CEACAM1: variants seen among roughly 807,000 people sequenced by gnomAD.
The protein encoded by CEACAM1 is CEA cell adhesion molecule 1, also known as cell adhesion molecule CEACAM1.
A neutral mutation model predicts 49.1 loss-of-function variants in CEACAM1; 31 were observed. That is an observed-to-expected ratio of 0.63 (90% CI 0.47 to 0.85). The LOEUF (loss-of-function observed/expected upper bound fraction) is 0.85, where lower values mean the gene tolerates loss of function less well. CEACAM1 is among the 40% of genes least tolerant of loss of function. The pLI is 0.00. For missense variants in CEACAM1, 570 were observed against 645.3 expected (o/e 0.88, Z 1.26); for synonymous variants, 244 against 247.8 (o/e 0.98, Z 0.14).
rs1378714371 is a variant in CEACAM1 at position 42,527,189 on chromosome 19, C to T, written c.276G>A (p.Gly92=). The T allele has an allele frequency of 2.0e-5, 33 of 1,613,992 alleles. No homozygotes were observed. Among genetic ancestry groups the T allele is most frequent in the Non-Finnish European group, 2.8e-5 (33 of 1,180,002 alleles). ...YAIGTQQATP[G]PANSGRETIY... Reference sequence around the variant, plus strand: ...TTGTCTCTCGACCGCTGTTTGCGGGCCCTGGGGTAGCTTGTTGAGTTCCTA... The same window carrying T: ...TTGTCTCTCGACCGCTGTTTGCGGGTCCTGGGGTAGCTTGTTGAGTTCCTA... The change falls in exon 2 of 9, where the codon GGG becomes GGA. Residue 92 remains glycine (G), a synonymous_variant. Coordinates refer to ENST00000161559, the MANE Select transcript of CEACAM1 (RefSeq NM_001712.5).
intron 4 of CEACAM1, chr19:42,519,612 C>T (rs1395601771): frequency 9.7e-6 from 2 of 205,646 alleles, no homozygotes; most frequent in African/African-American, 4.8e-5. Flanking sequence ...CTCTGTCACC[C>T]AGGCCGGAAT....
chr19:42,527,144 C>T lies in CEACAM1; in HGVS notation c.321G>A (p.Leu107=). The change falls in exon 2 of 9, where the codon CTG becomes CTA. Residue 107 remains leucine, a synonymous_variant. Coordinates refer to ENST00000161559, the MANE Select transcript of CEACAM1 (RefSeq NM_001712.5). ...GRETIYPNAS[L]LIQNVTQNDT... ...CATTCTGGGTGACGTTCTGGATCAG[C>T]AGGGATGCATTGGGGTATATTGTCT... is the stretch of plus-strand genomic sequence containing the variant. The T allele has an allele frequency of 6.2e-7, 1 of 1,614,160 alleles. No individual in the cohort carries two copies. The highest frequency in any genetic ancestry group is 8.5e-7 in the Non-Finnish European group (1 of 1,180,018).
intron 7 of CEACAM1, chr19:42,511,302 G>C (rs1431792529): frequency 1.7e-6 from 1 of 584,574 alleles, no homozygotes; most frequent in African/African-American, 1.9e-5. Flanking sequence ...GAGGCGGAAG[G>C]AGTAAGGCTG....
chr19:42,512,416 A>G lies in CEACAM1; in HGVS notation c.1310T>C (p.Val437Ala), dbSNP rs778470471. ...TGCTATCAGAGCAACCAGGGCCACT[A>G]CTCCAATCACAATGCCAGCAATGGC... ...PGAIAGIVIGVVALVALIAVA... is the reference protein window; with the variant it reads ...PGAIAGIVIGAVALVALIAVA... Residue 437 changes from valine (V) to alanine (A), a missense_variant, in exon 6 of 9, where the codon GTA becomes GCA. Physicochemically the swap from Val to Ala is moderately conservative, Grantham distance 64 (BLOSUM62 0). Transcript: ENST00000161559. The G allele has an allele frequency of 6.2e-7, 1 of 1,614,084 alleles. No homozygotes were observed. The highest frequency in any genetic ancestry group is 8.5e-7 in the Non-Finnish European group (1 of 1,179,952).
At chr19:42,520,324 C>T (rs2041712069) in intron 4 of CEACAM1, among the ~76,000 whole-genome samples, 1 of 152,190 alleles carries the variant, frequency 6.6e-6, no homozygotes, top group South Asian at 2.1e-4. Flanking sequence ...GGGAGGCAGC[C>T]TGACCCAGGG....
chr19:42,528,332 A>G lies in CEACAM1; in HGVS notation c.43T>C (p.Trp15Arg). The change falls in exon 1 of 9, where the codon TGG becomes CGG. Residue 15 changes from tryptophan (W) to arginine (R), a missense_variant. Physicochemically the swap from Trp to Arg is moderately radical, Grantham distance 101. Coordinates refer to ENST00000161559, the MANE Select transcript of CEACAM1 (RefSeq NM_001712.5). ...SAPLHRVRVP[W>R]QGLLLTASLL... ...TCACCTGTGAGCAGAAGCCCCTGCC[A>G]GGGTACACGCACTCTGTGAAGTGGG... The G allele has an allele frequency of 1.9e-6, 3 of 1,613,606 alleles. No homozygotes were observed. Among genetic ancestry groups the G allele is most frequent in the Non-Finnish European group, 1.7e-6 (2 of 1,179,726 alleles).
chr19:42,510,508 C>T (rs568774916), intron 8 of CEACAM1, among the ~76,000 whole-genome samples: 34 of 152,370 alleles, frequency 2.2e-4, no homozygotes, highest in Admixed American at 3.9e-4. Flanking sequence ...GAGAATGATT[C>T]AGTGCCTTCC....
chr19:42,518,136 A>C (rs1442549845), intron 5 of CEACAM1, among the ~76,000 whole-genome samples: 1 of 152,196 alleles, frequency 6.6e-6, no homozygotes, highest in Non-Finnish European at 1.5e-5. Flanking sequence ...TAGAATAGTT[A>C]AATACGGGGT....
rs746462961 is a variant in CEACAM1, at chr19:42,509,078, A to G, written c.*31T>C. On this transcript the variant is annotated 3_prime_UTR_variant, in exon 9 of 9. Transcript: ENST00000161559. ...GATGAGGGTGAGAGACTTGAAATAC[A>G]TCAGCACTGCAGTGAGCAGGACAGG... The G allele has an allele frequency of 6.2e-7, 1 of 1,613,454 alleles. No homozygotes were observed. The highest frequency in any genetic ancestry group is 8.5e-7 in the Non-Finnish European group (1 of 1,179,548).
At chr19:42,511,488 G>C in intron 7 of CEACAM1, 88 bp downstream of exon 7, 1 of 1,051,258 alleles carries the variant, frequency 9.5e-7, no homozygotes, top group Non-Finnish European at 1.5e-6. Flanking sequence ...AGAAGGGAGG[G>C]AGTGGTTTGG....
intron 5 of CEACAM1, among the ~76,000 whole-genome samples, chr19:42,513,893 C>CATATATATATATATAT (rs144403954): frequency 4.8e-5 from 5 of 104,954 alleles, no homozygotes; most frequent in African/African-American, 1.9e-4. Flanking sequence ...CTTCTCCCTC[C>CATATATATATATATAT]ATATATATAT....
rs758465713 is a variant in CEACAM1, at chr19:42,519,187, G to A, written c.1007C>T (p.Thr336Ile). Residue 336 changes from threonine to isoleucine, a missense_variant, in exon 5 of 9, where the codon ACA (threonine) becomes ATA (isoleucine). Physicochemically the swap from Thr to Ile is moderately conservative, Grantham distance 89. Transcript: ENST00000161559. Reference protein sequence around the residue: ...AKPQIKASKTTVTGDKDSVNL... With the variant: ...AKPQIKASKTIVTGDKDSVNL... ...CACAGAGTCCTTATCTCCTGTGACT[G>A]TGGTCTTGCTGGCTTTGATTTGGGG... 8 of 1,614,040 alleles carry A rather than the reference G, an allele frequency of 5.0e-6. No homozygotes were observed. Among genetic ancestry groups the A allele is most frequent in the Non-Finnish European group, 6.8e-6 (8 of 1,180,016 alleles).
rs200391182 is a variant in CEACAM1, at chr19:42,521,515, G to T, written c.710C>A (p.Pro237Gln). The T allele has an allele frequency of 8.1e-6, 13 of 1,613,474 alleles. No individual in the cohort carries two copies. Among genetic ancestry groups the T allele is most frequent in the Non-Finnish European group, 2.5e-6 (3 of 1,179,634 alleles). ...TGAAGGGGAAATGGTGGGGGTGTCC[G>T]GGCCATCTGGAGCAAAGAGAATAAA... is the stretch of plus-strand genomic sequence containing the variant. ...DPVTLNVTYG[P>Q]DTPTISPSDT... The change falls in exon 4 of 9, where the codon CCG becomes CAG. Residue 237 changes from proline (P) to glutamine (Q), a missense_variant. By Grantham distance (76) the Pro-to-Gln change is moderately conservative (BLOSUM62 -1). Coordinates refer to ENST00000161559, the MANE Select transcript of CEACAM1 (RefSeq NM_001712.5).
chr19:42,510,742 C>T, intron 8 of CEACAM1, 147 bp downstream of exon 8: 1 of 734,692 alleles, frequency 1.4e-6, no homozygotes, highest in Non-Finnish European at 2.4e-6. Context: ...AAAGTAGACT[C>T]ATGGGAGTGA....
chr19:42,521,891 A>G lies in CEACAM1; in HGVS notation c.703+33T>C, dbSNP rs769357256. On this transcript the variant is annotated intron_variant, in intron 3 of 8. Transcript: ENST00000161559. The stretch of plus-strand genomic sequence containing the variant: ...TCTGGCTGCGTGGATTTGGGCTGGC[A>G]GCCTGGGCCACAGAGGAACAGAAGA... 5.0e-6 allele frequency: 8 copies of G among 1,614,010 alleles called. No individual in the cohort carries two copies. In the South Asian group the frequency reaches 8.8e-5, roughly 18 times the overall value.
chr19:42,509,784 G>A (rs998174501), intron 8 of CEACAM1, among the ~76,000 whole-genome samples: 2 of 151,520 alleles, frequency 1.3e-5, no homozygotes, highest in South Asian at 4.2e-4. Context: ...CCACTACCAC[G>A]CCCGGCTAAT....
At chr19:42,516,390 GA>G (rs1455613097) in intron 5 of CEACAM1, among the ~76,000 whole-genome samples, 1 of 151,944 alleles carries the variant, frequency 6.6e-6, no homozygotes, top group East Asian at 1.9e-4. Flanking sequence ...GGAAAATTAA[GA>G]AAAAAATTCT....
Position 42,521,295 on chromosome 19 carries a change from C to A in CEACAM1, c.930G>T (p.Arg310Ser). Reference sequence around the variant, plus strand: ...TGACTATGATCGTCTTGACTGTGGTCCTGTTGCAGCCAGTGACTGAGTTAT... The same window carrying A: ...TGACTATGATCGTCTTGACTGTGGTACTGTTGCAGCCAGTGACTGAGTTAT... The part of the protein sequence containing the change: ...HANNSVTGCN[R>S]TTVKTIIVTE... The change falls in exon 4 of 9, where the codon AGG becomes AGT. Residue 310 changes from arginine to serine, a missense_variant. By Grantham distance (110) the Arg-to-Ser change is moderately radical (BLOSUM62 -1). Transcript: ENST00000161559. The A allele has an allele frequency of 1.2e-6, 2 of 1,614,188 alleles. No individual in the cohort carries two copies. Among genetic ancestry groups the A allele is most frequent in the Non-Finnish European group, 1.7e-6 (2 of 1,180,028 alleles).
chr19:42,509,901 A>G (rs1357193482), intron 8 of CEACAM1, among the ~76,000 whole-genome samples: 2 of 152,120 alleles, frequency 1.3e-5, no homozygotes, highest in Admixed American at 6.5e-5. Flanking sequence ...TGCTGGGATT[A>G]CAGGTGTGAG....
Sources: gnomAD v4.1 joint callset for allele counts (sites outside exome capture counted in the v4.1 genomes callset) on GRCh38, gnomAD v4.1.1 for gene constraint, MANE v1.5 for transcripts, NCBI Gene and HGNC (gene_info 2026-07-23, HGNC 2026-07-21) for gene names.